OR51B5: variants seen among roughly 807,000 people sequenced by gnomAD.
The protein encoded by OR51B5 is olfactory receptor 51B5.
For missense variants in OR51B5, 456 were observed against 374.6 expected (o/e 1.22, Z -1.79); for synonymous variants, 186 against 144.8 (o/e 1.28, Z -2.04).
chr11:5,489,318 T>A, intron 1 of OR51B5: 1 of 1,614,062 alleles, frequency 6.2e-7, no homozygotes, highest in East Asian at 2.2e-5. Context: ...ATGGGCTAAC[T>A]GTGGCTCTGC....
At chr11:5,345,560 T>A (rs1848977910), upstream of OR51B5, among the ~76,000 whole-genome samples, 1 of 152,152 alleles carries the variant, frequency 6.6e-6, no homozygotes, top group Admixed American at 6.5e-5. Flanking sequence ...ACATATTCAC[T>A]TGTGAGGAAA....
At chr11:5,352,539 G>A (rs1849114987) in intron 1 of OR51B5, 7 of 753,024 alleles carry the variant, frequency 9.3e-6, no homozygotes, top group Non-Finnish European at 1.5e-5. Flanking sequence ...TCATTTCAAT[G>A]AGAACTAATC....
chr11:5,393,193 G>T (rs1589971920), intron 1 of OR51B5: 1 of 152,200 alleles, frequency 6.6e-6, no homozygotes, highest in East Asian at 1.9e-4. Flanking sequence ...CTAGGTCAGT[G>T]ATCAATAAAT....
intron 1 of OR51B5, among the ~76,000 whole-genome samples, chr11:5,444,339 T>C (rs897772100): frequency 6.6e-6 from 1 of 152,166 alleles, no homozygotes; most frequent in Non-Finnish European, 1.5e-5. Context: ...AAATAAGAAG[T>C]ATAAAATATC....
chr11:5,430,554 C>T, intron 1 of OR51B5: 1 of 367,856 alleles, frequency 2.7e-6, no homozygotes, highest in South Asian at 2.0e-5. Flanking sequence ...TTCCTTGTTC[C>T]TATTCCTCCT....
At chr11:5,473,189 A>T (rs991874797) in intron 1 of OR51B5, among the ~76,000 whole-genome samples, 3 of 152,250 alleles carry the variant, frequency 2.0e-5, no homozygotes, top group Non-Finnish European at 4.4e-5. Flanking sequence ...AAGAACTATC[A>T]TAAAGACTTG....
rs1339747824 is a variant in OR51B5 at position 5,388,594 on chromosome 11, T to G, written n.85-41684A>C. Among the ~76,000 whole-genome samples the G allele has an allele frequency of 5.4e-5, 8 of 148,866 alleles. No individual in the cohort carries two copies. The Admixed American group carries it at 5.4e-4, about 10-fold the overall frequency. On this transcript the variant is annotated intron_variant and non_coding_transcript_variant, in intron 1 of 4. Coordinates refer to the OR51B5 transcript ENST00000415970. ...GAATTGTTTAGTGTCATTAACACCG[T>G]GAATATACAGAGGAAATTAGGATAG...
At chr11:5,458,235 C>T (rs567139153) in intron 1 of OR51B5, among the ~76,000 whole-genome samples, 62 of 152,214 alleles carry the variant, frequency 4.1e-4, no homozygotes, top group African/African-American at 1.4e-3. Flanking sequence ...GTCTTTTGCC[C>T]ACTCCTTGTT....
intron 1 of OR51B5, among the ~76,000 whole-genome samples, chr11:5,467,473 C>T (rs996433965): frequency 1.3e-5 from 2 of 152,174 alleles, no homozygotes; most frequent in African/African-American, 2.4e-5. Flanking sequence ...TCTTACATGT[C>T]TTCATTCCCT....
chr11:5,353,513 A>C (rs4369438), intron 1 of OR51B5, among the ~76,000 whole-genome samples: 1 of 152,000 alleles, frequency 6.6e-6, no homozygotes, highest in Non-Finnish European at 1.5e-5. Context: ...GGCAATGCTC[A>C]TAACTAGAAG....
At chr11:5,453,692 C>T in intron 1 of OR51B5, 1 of 1,613,720 alleles carries the variant, frequency 6.2e-7, no homozygotes, top group Non-Finnish European at 8.5e-7. Flanking sequence ...TGTTGTCCTT[C>T]AGTGATGTGG....
chr11:5,481,497 A>C (rs2133808361), intron 1 of OR51B5, among the ~76,000 whole-genome samples: 1 of 141,996 alleles, frequency 7.0e-6, no homozygotes, highest in Non-Finnish European at 1.5e-5. Flanking sequence ...TAGTGTTGGA[A>C]GTTCTGGCCA....
intron 1 of OR51B5, among the ~76,000 whole-genome samples, chr11:5,504,407 G>A (rs920494846): frequency 6.6e-6 from 1 of 152,120 alleles, no homozygotes; most frequent in Non-Finnish European, 1.5e-5. Context: ...CATGCAGTAG[G>A]CCCAGCATGA....
intron 1 of OR51B5, among the ~76,000 whole-genome samples, chr11:5,466,167 G>C (rs1851136319): frequency 6.6e-6 from 1 of 152,130 alleles, no homozygotes; most frequent in Admixed American, 6.5e-5. Context: ...CATTTACGTA[G>C]ACGACAATAC....
intron 1 of OR51B5, among the ~76,000 whole-genome samples, chr11:5,498,165 C>T (rs1851676368): frequency 6.6e-6 from 1 of 152,208 alleles, no homozygotes; most frequent in Non-Finnish European, 1.5e-5. Context: ...GTAGCTTCCC[C>T]TGTTCTCAGT....
chr11:5,493,662 C>A (rs2879747), intron 1 of OR51B5, among the ~76,000 whole-genome samples: 15,580 of 152,176 alleles, frequency 0.1, 835 homozygotes, highest in Middle Eastern at 0.16. Flanking sequence ...CTGTGTTGAC[C>A]ACTCCAGGCC....
intron 1 of OR51B5, chr11:5,469,118 TG>T: frequency 4.3e-6 from 1 of 230,820 alleles, no homozygotes; most frequent in Middle Eastern, 1.3e-3. Flanking sequence ...GAAGAACGTC[TG>T]GGCCAGGCAG....
intron 1 of OR51B5, chr11:5,454,422 A>C: frequency 1.2e-6 from 2 of 1,603,054 alleles, no homozygotes; most frequent in Non-Finnish European, 1.7e-6. Flanking sequence ...CCACATCAAA[A>C]TATGACTTTC....
rs1851433423 is a variant in OR51B5, at chr11:5,482,163, G to T, written n.84+23406C>A. On this transcript the variant is annotated intron_variant and non_coding_transcript_variant, in intron 1 of 4. Coordinates refer to the OR51B5 transcript ENST00000415970. Reference sequence around the variant, plus strand: ...GTACTGGTACCAAAACAGAGATATAGATCAATGGAACAGAACAGAGCCCTC... The same window carrying T: ...GTACTGGTACCAAAACAGAGATATATATCAATGGAACAGAACAGAGCCCTC... Among the ~76,000 whole-genome samples, 2 of 109,420 alleles carry T rather than the reference G, an allele frequency of 1.8e-5. 1 individual carries two copies. The highest frequency in any genetic ancestry group is 3.6e-5 in the Non-Finnish European group (2 of 56,328). 71.8% of individuals were successfully genotyped at this position (109,420 alleles called of 152,430 possible).
Sources: allele counts gnomAD v4.1 joint callset (sites outside exome capture counted in the v4.1 genomes callset), GRCh38; gene constraint gnomAD v4.1.1; transcripts MANE v1.5; gene names NCBI Gene and HGNC (gene_info 2026-07-23, HGNC 2026-07-21).